The following SGCZ variants were observed in gnomAD, a reference collection of about 807,000 sequenced individuals.
The protein encoded by SGCZ is sarcoglycan zeta.
Under a neutral mutation model 41.3 loss-of-function variants are expected in SGCZ, and 40 were observed. That is an observed-to-expected ratio of 0.97 (90% confidence interval 0.75 to 1.26). SGCZ has a LOEUF of 1.26. SGCZ is among the 50% of genes most tolerant of loss of function. The probability of loss-of-function intolerance (pLI) is 0.00; values close to 1 mark genes in which losing one functional copy is unlikely to be tolerated. For synonymous variants in SGCZ, 206 were observed against 137.5 expected (o/e 1.50, Z -3.49); for missense variants, 552 against 369.8 (o/e 1.49, Z -4.04).
At chr8:14,289,236 T>G (rs1469729842) in intron 3 of SGCZ, among the ~76,000 whole-genome samples, 1 of 151,858 alleles carries the variant, frequency 6.6e-6, no homozygotes, top group Non-Finnish European at 1.5e-5. Flanking sequence ...TTTACTTTCT[T>G]GATACTGTCC....
chr8:14,283,345 G>A (rs1018115022), intron 3 of SGCZ, among the ~76,000 whole-genome samples: 6 of 151,946 alleles, frequency 3.9e-5, no homozygotes, highest in South Asian at 2.1e-4. Flanking sequence ...TTCCTCTGTC[G>A]CAACTTTCTC....
chr8:14,716,893 C>T (rs771256537), intron 1 of SGCZ, among the ~76,000 whole-genome samples: 2 of 152,000 alleles, frequency 1.3e-5, no homozygotes, highest in African/African-American at 4.8e-5. Context: ...TCCTCTAATG[C>T]TACATGAGTT....
At chr8:14,582,054 A>G (rs1031711461) in intron 1 of SGCZ, among the ~76,000 whole-genome samples, 8 of 152,126 alleles carry the variant, frequency 5.3e-5, no homozygotes, top group African/African-American at 1.9e-4. Context: ...CAACGTGATG[A>G]TGAGCATGAA....
chr8:14,744,953 A>G (rs1169881180), intron 1 of SGCZ, among the ~76,000 whole-genome samples: 1 of 152,178 alleles, frequency 6.6e-6, no homozygotes, highest in East Asian at 1.9e-4. Context: ...GACTAGACTG[A>G]TATCTCCTTG....
intron 1 of SGCZ, among the ~76,000 whole-genome samples, chr8:15,029,330 G>A (rs1172384307): frequency 6.6e-6 from 1 of 152,044 alleles, no homozygotes; most frequent in East Asian, 1.9e-4. Flanking sequence ...GTAGGTGCAT[G>A]TATTTAGAAT....
chr8:15,066,680 T>C (rs1311719555), intron 1 of SGCZ, among the ~76,000 whole-genome samples: 2 of 152,212 alleles, frequency 1.3e-5, no homozygotes, highest in African/African-American at 2.4e-5. Context: ...TTACATTGAC[T>C]ATATCGCTTT....
At chr8:14,602,502 T>C (rs1276815111) in intron 1 of SGCZ, among the ~76,000 whole-genome samples, 1 of 152,052 alleles carries the variant, frequency 6.6e-6, no homozygotes, top group East Asian at 1.9e-4. Flanking sequence ...CTGGGCAACA[T>C]AGTGAGATCC....
chr8:15,165,800 T>C (rs1467868758), intron 1 of SGCZ, among the ~76,000 whole-genome samples: 1 of 152,202 alleles, frequency 6.6e-6, no homozygotes, highest in South Asian at 2.1e-4. Context: ...GGAGGAATTG[T>C]GGAAATTAAT....
At chr8:14,091,787 C>G (rs1047957394) in intron 7 of SGCZ, among the ~76,000 whole-genome samples, 10 of 152,124 alleles carry the variant, frequency 6.6e-5, no homozygotes, top group African/African-American at 2.2e-4. Context: ...GTTGCCTGTT[C>G]ACTCTGATGA....
At chr8:15,099,909 A>G (rs567148770) in intron 1 of SGCZ, among the ~76,000 whole-genome samples, 3 of 152,120 alleles carry the variant, frequency 2.0e-5, no homozygotes, top group African/African-American at 7.2e-5. Flanking sequence ...ACATACTTTC[A>G]TGATAAAAAC....
At chr8:14,783,712 T>C (rs1800661779) in intron 1 of SGCZ, among the ~76,000 whole-genome samples, 1 of 152,112 alleles carries the variant, frequency 6.6e-6, no homozygotes, top group Non-Finnish European at 1.5e-5. Context: ...GTTTTTGCTG[T>C]TGTTGTTTGT....
chr8:15,058,985 T>C (rs1053722287), intron 1 of SGCZ, among the ~76,000 whole-genome samples: 5 of 152,210 alleles, frequency 3.3e-5, no homozygotes, highest in African/African-American at 7.2e-5. Flanking sequence ...ATATAGCTTA[T>C]CTAAAATGTC....
intron 1 of SGCZ, among the ~76,000 whole-genome samples, chr8:15,048,296 A>C (rs1249463929): frequency 6.6e-6 from 1 of 152,032 alleles, no homozygotes; most frequent in Non-Finnish European, 1.5e-5. Context: ...ATGAAGGTAC[A>C]AAGTAGATGA....
chr8:14,321,451 G>C (rs1801916254), intron 3 of SGCZ, among the ~76,000 whole-genome samples: 1 of 152,006 alleles, frequency 6.6e-6, no homozygotes, highest in East Asian at 1.9e-4. Flanking sequence ...TAGGTGGCTA[G>C]ATGTGTATTT....
intron 1 of SGCZ, among the ~76,000 whole-genome samples, chr8:15,222,591 C>T (rs1274411423): frequency 6.6e-6 from 1 of 152,130 alleles, no homozygotes; most frequent in Non-Finnish European, 1.5e-5. Flanking sequence ...TTTTCACAAT[C>T]ATTTATTTTA....
chr8:14,336,911 G>T (rs532101258), intron 2 of SGCZ, among the ~76,000 whole-genome samples: 1 of 151,930 alleles, frequency 6.6e-6, no homozygotes. Flanking sequence ...CCTCATAATG[G>T]ACCAGTCACC....
intron 1 of SGCZ, among the ~76,000 whole-genome samples, chr8:14,613,700 C>T (rs1204451808): frequency 6.6e-6 from 1 of 151,400 alleles, no homozygotes; most frequent in Non-Finnish European, 1.5e-5. Flanking sequence ...TTTTAATATA[C>T]TGGAATCATC....
At chr8:14,810,432 A>G (rs1801704855) in intron 1 of SGCZ, among the ~76,000 whole-genome samples, 1 of 151,994 alleles carries the variant, frequency 6.6e-6, no homozygotes. Context: ...GATTTTTTTA[A>G]CCAAATACTT....
chr8:14,539,706 C>T lies in SGCZ; in HGVS notation c.234+15026G>A, dbSNP rs568983132. ...ATCTTCTTCCTCCTTCCATCCTCCA[C>T]GCTCTGAAGTCCCCAGTGTGTGTTG... On this transcript the variant is annotated intron_variant, in intron 2 of 7. Coordinates refer to ENST00000382080, the MANE Select transcript of SGCZ (RefSeq NM_139167.4). Among the ~76,000 whole-genome samples the T allele has an allele frequency of 2.2e-4, 33 of 151,572 alleles. No homozygotes were observed. In the South Asian group the frequency reaches 4.2e-3, roughly 19 times the overall value.
Sources: allele counts gnomAD v4.1 joint callset (sites outside exome capture counted in the v4.1 genomes callset), GRCh38; gene constraint gnomAD v4.1.1; transcripts MANE v1.5; gene names NCBI Gene and HGNC (gene_info 2026-07-23, HGNC 2026-07-21).